ASXL2: variants seen among roughly 807,000 people sequenced by gnomAD.
ASXL2 encodes the protein ASXL transcriptional regulator 2, also known as putative Polycomb group protein ASXL2.
A neutral mutation model predicts 122.0 loss-of-function variants in ASXL2; 23 were observed. The observed-to-expected ratio is 0.19, with a 90% CI of 0.14 to 0.27. The LOEUF (loss-of-function observed/expected upper bound fraction) is 0.27, where lower values mean the gene tolerates loss of function less well. Ranked by LOEUF, ASXL2 falls within the 10% of genes least tolerant of loss-of-function variation. The probability of loss-of-function intolerance (pLI) is 1.00; values close to 1 mark genes in which losing one functional copy is unlikely to be tolerated. For missense variants in ASXL2, 1,518 were observed against 1,713.8 expected, an observed-to-expected ratio of 0.89 and a Z score of 2.02; for synonymous variants, 650 against 637.0, an observed-to-expected ratio of 1.02 and a Z score of -0.31.
intron 3 of ASXL2, among the ~76,000 whole-genome samples, chr2:25,835,093 G>A (rs2089493849): frequency 7.5e-6 from 1 of 134,096 alleles, no homozygotes; most frequent in Admixed American, 7.2e-5. Flanking sequence ...CAAAGTGCTG[G>A]GATTACCAGG....
At chr2:25,854,132 C>G (rs2089750503) in intron 1 of ASXL2, among the ~76,000 whole-genome samples, 1 of 152,128 alleles carries the variant, frequency 6.6e-6, no homozygotes. Flanking sequence ...TTCTGAACAG[C>G]TCTATCAAGT....
chr2:25,782,133 T>G (rs570411463), intron 5 of ASXL2, among the ~76,000 whole-genome samples: 1 of 152,084 alleles, frequency 6.6e-6, no homozygotes, highest in Admixed American at 6.6e-5. Context: ...ACTGATTCTT[T>G]TGTGTTTGTC....
intron 3 of ASXL2, among the ~76,000 whole-genome samples, chr2:25,826,501 C>T (rs2089379147): frequency 6.6e-6 from 1 of 152,126 alleles, no homozygotes; most frequent in South Asian, 2.1e-4. Flanking sequence ...GTTTAAGGGA[C>T]ATCACTAATC....
chr2:25,859,235 C>T (rs1052076999), intron 1 of ASXL2, among the ~76,000 whole-genome samples: 23 of 152,240 alleles, frequency 1.5e-4, no homozygotes, highest in African/African-American at 5.5e-4. Context: ...CACCACCACA[C>T]CCAGCTAAGA....
At chr2:25,822,999 C>G in intron 3 of ASXL2, 1 of 507,428 alleles carries the variant, frequency 2.0e-6, no homozygotes, top group South Asian at 1.5e-5. Context: ...AACTTCTCTG[C>G]AAGATTTCAC....
intron 3 of ASXL2, among the ~76,000 whole-genome samples, chr2:25,824,536 T>A (rs2089352873): frequency 6.6e-6 from 1 of 152,014 alleles, no homozygotes; most frequent in South Asian, 2.1e-4. Context: ...TAGATAGAAG[T>A]TTAAAATGTA....
chr2:25,834,361 T>A (rs1324159346), intron 3 of ASXL2, among the ~76,000 whole-genome samples: 3 of 151,806 alleles, frequency 2.0e-5, no homozygotes, highest in Non-Finnish European at 2.9e-5. Flanking sequence ...TCCAAAAAAA[T>A]AAATAAATAA....
At chr2:25,860,273 T>C (rs965858494) in intron 1 of ASXL2, among the ~76,000 whole-genome samples, 17 of 151,568 alleles carry the variant, frequency 1.1e-4, no homozygotes, top group African/African-American at 4.1e-4. Context: ...GTCGCGCCAC[T>C]GCACTCCAGC....
intron 12 of ASXL2, 106 bp downstream of exon 12, chr2:25,749,590 G>T: frequency 1.2e-6 from 1 of 843,314 alleles, no homozygotes. Flanking sequence ...ATATCCAACT[G>T]CTTCTGCATT....
chr2:25,812,051 T>C (rs906042806), intron 3 of ASXL2, among the ~76,000 whole-genome samples: 18 of 151,856 alleles, frequency 1.2e-4, no homozygotes, highest in Admixed American at 1.2e-3. Flanking sequence ...CTGTGCCTGG[T>C]CTGATATTGT....
At position 25,742,070 on chromosome 2, in the gene ASXL2, C is replaced by T. The variant is rs750031170; in HGVS notation, c.4267G>A (p.Gly1423Ser). Residue 1423 changes from glycine to serine, a missense_variant, in exon 13 of 13, where the codon GGC becomes AGC. Around this residue, in one of 8 missense-constraint regions of ASXL2, gnomAD observed 17 missense variants for 37.3 expected, o/e 0.46. Coordinates refer to ENST00000435504, the MANE Select transcript of ASXL2 (RefSeq NM_018263.6). Reference sequence around the variant, plus strand: ...CAGGAGACGCACAGTTTGGAGGGGCCGATGCAATCATCATGGCAGAAAGCG... The same window carrying T: ...CAGGAGACGCACAGTTTGGAGGGGCTGATGCAATCATCATGGCAGAAAGCG... ...CGAFCHDDCI[G>S]PSKLCVSCLV... The T allele has an allele frequency of 2.5e-6, 4 of 1,613,862 alleles. No homozygotes were observed. The highest frequency in any genetic ancestry group is 1.7e-5 in the Admixed American group (1 of 59,960).
chr2:25,756,292 A>G (rs1174295932), intron 9 of ASXL2, among the ~76,000 whole-genome samples, 178 bp from the exon 10 acceptor site: 1 of 151,940 alleles, frequency 6.6e-6, no homozygotes, highest in African/African-American at 2.4e-5. Flanking sequence ...ACTTTGTTCT[A>G]AAACATTGCT....
intron 1 of ASXL2, among the ~76,000 whole-genome samples, chr2:25,865,339 C>T (rs990471901): frequency 6.6e-6 from 1 of 151,604 alleles, no homozygotes; most frequent in African/African-American, 2.4e-5. Flanking sequence ...GGTGGAAGCA[C>T]AAAAATTGCT....
At chr2:25,812,555 C>G (rs1303800891) in intron 3 of ASXL2, among the ~76,000 whole-genome samples, 2 of 152,136 alleles carry the variant, frequency 1.3e-5, no homozygotes, top group Non-Finnish European at 2.9e-5. Flanking sequence ...GTTGAGAGGA[C>G]AGAAAACTGC....
chr2:25,797,675 A>G (rs182190110), intron 5 of ASXL2, among the ~76,000 whole-genome samples: 1 of 152,328 alleles, frequency 6.6e-6, no homozygotes, highest in Non-Finnish European at 1.5e-5. Context: ...ATGCAAATTA[A>G]AACAACGAGA....
chr2:25,754,196 T>C (rs1483911260), intron 10 of ASXL2, among the ~76,000 whole-genome samples: 4 of 152,180 alleles, frequency 2.6e-5, no homozygotes, highest in African/African-American at 9.6e-5. Flanking sequence ...GCTAATGCTC[T>C]AGCAAGAAGA....
intron 2 of ASXL2, among the ~76,000 whole-genome samples, chr2:25,842,126 A>G (rs915575406): frequency 6.6e-6 from 1 of 151,700 alleles, no homozygotes; most frequent in Admixed American, 6.6e-5. Context: ...AAAAAAAGAA[A>G]AAAAAAAAAG....
intron 1 of ASXL2, among the ~76,000 whole-genome samples, chr2:25,864,171 G>C (rs1417895756): frequency 6.6e-6 from 1 of 152,046 alleles, no homozygotes; most frequent in African/African-American, 2.4e-5. Context: ...GGGCACAAAA[G>C]CAGCAACAGT....
At chr2:25,749,304 G>C (rs192596726) in intron 12 of ASXL2, among the ~76,000 whole-genome samples, 97 of 152,278 alleles carry the variant, frequency 6.4e-4, no homozygotes, top group African/African-American at 2.2e-3. Context: ...AAATCTAAGA[G>C]GTCCTGAGGA....
Sources: allele counts gnomAD v4.1 joint callset (sites outside exome capture counted in the v4.1 genomes callset), GRCh38; gene constraint gnomAD v4.1.1; regional missense constraint gnomAD v4.1.1; transcripts MANE v1.5; gene names NCBI Gene and HGNC (gene_info 2026-07-23, HGNC 2026-07-21).